Variants in MASTL observed in about 807,000 individuals in gnomAD.
MASTL encodes microtubule associated serine/threonine kinase like.
Under a neutral mutation model 82.5 loss-of-function variants are expected in MASTL, and 54 were observed. The observed-to-expected ratio is 0.65, with a 90% CI of 0.53 to 0.82. The LOEUF is 0.82. Ranked by LOEUF, MASTL falls within the 40% of genes least tolerant of loss-of-function variation. The pLI, the probability that MASTL is intolerant of heterozygous loss-of-function variation, is 0.00. For missense variants in MASTL, 950 were observed against 1,047.8 expected, an observed-to-expected ratio of 0.91 and a Z score of 1.29; for synonymous variants, 323 against 368.9, an observed-to-expected ratio of 0.88 and a Z score of 1.43.
intron 11 of MASTL, among the ~76,000 whole-genome samples, chr10:27,183,866 C>G (rs942105470): frequency 2.0e-5 from 3 of 152,058 alleles, no homozygotes; most frequent in Admixed American, 2.0e-4. Context: ...TGCACACTAC[C>G]ACACCCAGCT....
At chr10:27,155,295 G>A (rs1404149172), upstream of MASTL, 1 of 881,844 alleles carries the variant, frequency 1.1e-6, no homozygotes, top group Admixed American at 2.6e-5. Context: ...GAGGTGACGA[G>A]GGCGGGGCGC....
intron 8 of MASTL, among the ~76,000 whole-genome samples, chr10:27,171,588 A>G (rs1263437444): frequency 6.6e-6 from 1 of 150,764 alleles, no homozygotes; most frequent in East Asian, 2.0e-4. Flanking sequence ...GCCCACCACC[A>G]CACCTGGCTA....
chr10:27,181,683 G>A (rs1385119541), intron 11 of MASTL, 102 bp downstream of exon 11: 8 of 799,920 alleles, frequency 1.0e-5, no homozygotes, highest in Non-Finnish European at 4.1e-6. Flanking sequence ...GCTCACGCCT[G>A]TAATCCCAGC....
chr10:27,181,362 G>C (rs1392416703), intron 10 of MASTL, 118 bp from the exon 11 acceptor site: 2 of 775,046 alleles, frequency 2.6e-6, no homozygotes, highest in South Asian at 1.5e-5. Context: ...TTGCACTCCA[G>C]CCTGGGTGAC....
intron 6 of MASTL, among the ~76,000 whole-genome samples, 160 bp downstream of exon 6, chr10:27,165,699 C>G (rs1472453309): frequency 5.9e-5 from 9 of 151,934 alleles, no homozygotes; most frequent in African/African-American, 2.2e-4. Context: ...CACTGCAACC[C>G]AGGAGTTCAA....
intron 4 of MASTL, among the ~76,000 whole-genome samples, chr10:27,161,697 A>G (rs1403173628): frequency 1.3e-5 from 2 of 152,180 alleles, no homozygotes; most frequent in Admixed American, 6.5e-5. Context: ...CTGAAGATGA[A>G]AAATAGGAGT....
At position 27,159,575 on chromosome 10, in the gene MASTL, A is replaced by C; in HGVS notation, c.325-44A>C. 7.5e-7 allele frequency: 1 copy of C among 1,338,598 alleles called. No homozygotes were observed. The highest frequency in any genetic ancestry group is 1.1e-6 in the Non-Finnish European group (1 of 934,702). The allele number at this position is 1,338,598 out of a possible 1,614,324, so 82.9% of individuals were successfully genotyped here. A position where few individuals can be genotyped will look rare whatever the true frequency, so the allele number is the denominator to read the frequency against. On this transcript the variant is annotated intron_variant, in intron 2 of 11. Transcript: ENST00000375940. This position sits in a 1 kb window ranked among gnomAD's most constrained non-coding sequence, Gnocchi z 4.0. ...GCCCAAATACTAGATTTTTAAAGTA[A>C]TCATATTGTTTTTATTTCACAATAT...
chr10:27,176,205 T>G (rs1162028943), intron 9 of MASTL, among the ~76,000 whole-genome samples: 1 of 152,218 alleles, frequency 6.6e-6, no homozygotes, highest in African/African-American at 2.4e-5. Flanking sequence ...GTTCCTACAT[T>G]CAAGCATTTA....
Position 27,167,163 on chromosome 10 carries a change from C to G in MASTL, c.873C>G (p.Leu291=), listed in dbSNP as rs1010485017. ...TGAAGTGTCTAACTTCTAATTTACT[C>G]CAGTCTAGGAAAAGGCTGGCCACAT... The part of the protein sequence containing the change: ...MPVKCLTSNL[L]QSRKRLATSS... The change falls in exon 7 of 12, where the codon CTC becomes CTG. Residue 291 remains leucine (L), a synonymous_variant. Transcript: ENST00000375940. 3 of 1,614,046 alleles carry G rather than the reference C, an allele frequency of 1.9e-6. No individual in the cohort carries two copies. Among genetic ancestry groups the G allele is most frequent in the Non-Finnish European group, 2.5e-6 (3 of 1,179,952 alleles).
At chr10:27,179,882 G>T (rs746674670) in intron 9 of MASTL, among the ~76,000 whole-genome samples, 7 of 152,150 alleles carry the variant, frequency 4.6e-5, no homozygotes, top group Non-Finnish European at 8.8e-5. Flanking sequence ...ATATGAAATT[G>T]AGTAGTAGTC....
upstream of MASTL, chr10:27,155,330 C>T: frequency 7.7e-7 from 1 of 1,290,920 alleles, no homozygotes; most frequent in Non-Finnish European, 1.1e-6. Flanking sequence ...GTCACGGCCG[C>T]GCGCGGCGTG....
chr10:27,163,862 C>T (rs2057654169), intron 4 of MASTL, among the ~76,000 whole-genome samples: 1 of 151,964 alleles, frequency 6.6e-6, no homozygotes, highest in African/African-American at 2.4e-5. Flanking sequence ...GATCTCCTGA[C>T]CTCGTGATCC....
At chr10:27,161,813 C>T (rs1305354801) in intron 4 of MASTL, among the ~76,000 whole-genome samples, 2 of 152,034 alleles carry the variant, frequency 1.3e-5, no homozygotes, top group African/African-American at 4.8e-5. Flanking sequence ...TTGATTCTTA[C>T]CAATTAAGCA....
At chr10:27,178,638 TG>T (rs1209938420) in intron 9 of MASTL, among the ~76,000 whole-genome samples, 1 of 152,026 alleles carries the variant, frequency 6.6e-6, no homozygotes, top group African/African-American at 2.4e-5. Context: ...CTTAAGTATA[TG>T]GGTATGTGTG....
At chr10:27,180,486 G>T (rs2058238809) in intron 9 of MASTL, among the ~76,000 whole-genome samples, 1 of 152,164 alleles carries the variant, frequency 6.6e-6, no homozygotes, top group African/African-American at 2.4e-5. Context: ...CTGCCTCCCA[G>T]GTTCAAGCGA....
chr10:27,165,096 T>A lies in MASTL; in HGVS notation c.586T>A (p.Ser196Thr). 1 of 1,611,544 alleles carries A rather than the reference T, an allele frequency of 6.2e-7. No individual in the cohort carries two copies. Among genetic ancestry groups the A allele is most frequent in the Non-Finnish European group, 8.5e-7 (1 of 1,177,668 alleles). The change falls in exon 5 of 12, where the codon TCA becomes ACA. Residue 196 changes from serine (S) to threonine (T), a missense_variant. By Grantham distance (58) the Ser-to-Thr change is moderately conservative (BLOSUM62 1). Coordinates refer to ENST00000375940, the MANE Select transcript of MASTL (RefSeq NM_001172303.3). ...INMMDILTTP[S>T]MAKPRQDYSR... is the part of the protein sequence containing the mutation. ...TATGATGGATATCCTTACAACACCA[T>A]CAATGGCAAAACCTAGACAAGATTA...
At position 27,170,977 on chromosome 10, in the gene MASTL, T is replaced by C. The variant is rs768831147; in HGVS notation, c.2018T>C (p.Met673Thr). 21 of 1,614,020 alleles carry C rather than the reference T, an allele frequency of 1.3e-5. No individual in the cohort carries two copies. Among genetic ancestry groups the C allele is most frequent in the Non-Finnish European group, 1.4e-5 (17 of 1,179,970 alleles). Residue 673 changes from methionine to threonine, a missense_variant, in exon 8 of 12, where the codon ATG becomes ACG. Transcript: ENST00000375940. ...NASNNSEPSR[M>T]NMTSLDAMDI... ...TCCAATAACTCAGAACCATCCAGAA[T>C]GAACATGACTTCTTTAGATGCAATG...
intron 4 of MASTL, among the ~76,000 whole-genome samples, chr10:27,163,601 C>G (rs372396025): frequency 5.2e-4 from 79 of 150,768 alleles, no homozygotes; most frequent in African/African-American, 1.8e-3. Context: ...TTTCAGTATA[C>G]TTTCATTTAT....
Position 27,181,025 on chromosome 10 carries a change from A to G in MASTL, c.2339A>G (p.Asp780Gly). ...CTAACAGGAATTCCCCCTTTCAATG[A>G]TGAAACACCACAACAAGTATTCCAG... ...EFLTGIPPFN[D>G]ETPQQVFQNI... is the part of the protein sequence containing the mutation. The change falls in exon 10 of 12, where the codon GAT becomes GGT. Residue 780 changes from aspartate (D) to glycine (G), a missense_variant. Asp to Gly is a moderately conservative substitution (Grantham distance 94). Transcript: ENST00000375940. 2 of 1,612,146 alleles carry G rather than the reference A, an allele frequency of 1.2e-6. No homozygotes were observed. The highest frequency in any genetic ancestry group is 1.7e-6 in the Non-Finnish European group (2 of 1,178,246).
Sources: allele counts gnomAD v4.1 joint callset (sites outside exome capture counted in the v4.1 genomes callset), GRCh38; gene constraint gnomAD v4.1.1; non-coding constraint Gnocchi (gnomAD v3.1); transcripts MANE v1.5; gene names NCBI Gene and HGNC (gene_info 2026-07-23, HGNC 2026-07-21).